The following TNFAIP8 variants were observed in gnomAD, a reference collection of about 807,000 sequenced individuals.
TNFAIP8 encodes the protein TNF alpha induced protein 8.
TNFAIP8 carries 7 observed loss-of-function variants against 13.3 expected under a neutral mutation model. The observed-to-expected ratio is 0.52, with a 90% CI of 0.30 to 0.99. TNFAIP8 has a LOEUF of 0.99. TNFAIP8 is among the 50% of genes least tolerant of loss of function. TNFAIP8 has a pLI of 0.07. For synonymous variants in TNFAIP8, 94 were observed against 87.6 expected (o/e 1.07, Z -0.41); for missense variants, 258 against 236.9 (o/e 1.09, Z -0.58).
At chr5:119,335,320 A>C (rs963313213) in intron 1 of TNFAIP8, among the ~76,000 whole-genome samples, 1 of 152,152 alleles carries the variant, frequency 6.6e-6, no homozygotes, top group African/African-American at 2.4e-5. Context: ...GCTCTCCCCA[A>C]ATCACATTAA....
At chr5:119,272,429 T>C (rs1050588695) in intron 1 of TNFAIP8, among the ~76,000 whole-genome samples, 3 of 152,198 alleles carry the variant, frequency 2.0e-5, no homozygotes, top group African/African-American at 4.8e-5. Context: ...TCCCTGAAGG[T>C]AAGTTGCTAG....
Position 119,350,278 on chromosome 5 carries a change from GTGAA to G in TNFAIP8, c.2-42533_2-42530del, listed in dbSNP as rs796099673. On this transcript the variant is annotated intron_variant, in intron 1 of 1. Transcript: ENST00000274456. ...TGTGCCGCTACTATGTTGAATTTAC[GTGAA>G]TGAAGTGCTATGTAGCCATTGTATT... 3.7e-4 allele frequency among the ~76,000 whole-genome samples: 57 copies of G among 152,290 alleles called. 1 individual carries two copies. Among genetic ancestry groups the G allele is most frequent in the African/African-American group, 1.2e-3 (51 of 41,566 alleles).
intron 1 of TNFAIP8, among the ~76,000 whole-genome samples, chr5:119,278,133 T>C (rs1332993240): frequency 6.6e-6 from 1 of 152,152 alleles, no homozygotes; most frequent in Non-Finnish European, 1.5e-5. Context: ...ATTTGAATAG[T>C]AAAGACATTA....
intron 1 of TNFAIP8, among the ~76,000 whole-genome samples, chr5:119,300,527 C>G (rs918834351): frequency 2.6e-5 from 4 of 152,166 alleles, no homozygotes; most frequent in Admixed American, 6.5e-5. Flanking sequence ...CTGACTCAGT[C>G]TATTATCAAA....
chr5:119,278,417 GTGTGA>G, intron 1 of TNFAIP8, among the ~76,000 whole-genome samples: 2 of 147,190 alleles, frequency 1.4e-5, no homozygotes, highest in African/African-American at 2.6e-5. Flanking sequence ...GTGTGTGTGT[GTGTGA>G]AGGGTGGACA....
chr5:119,314,443 A>G (rs1749825795), intron 1 of TNFAIP8, among the ~76,000 whole-genome samples: 1 of 152,182 alleles, frequency 6.6e-6, no homozygotes, highest in Non-Finnish European at 1.5e-5. Flanking sequence ...ACACAAAAAC[A>G]GACAGATTCA....
At chr5:119,371,657 T>C (rs185336409) in intron 1 of TNFAIP8, among the ~76,000 whole-genome samples, 4 of 152,360 alleles carry the variant, frequency 2.6e-5, no homozygotes, top group East Asian at 1.9e-4. Flanking sequence ...TTTTATAATA[T>C]ACATTGTCTA....
intron 1 of TNFAIP8, among the ~76,000 whole-genome samples, chr5:119,391,736 G>A (rs1752898602): frequency 6.9e-6 from 1 of 145,914 alleles, no homozygotes; most frequent in African/African-American, 2.6e-5. Flanking sequence ...TCCAGCCTGG[G>A]CAAAAAGAGT....
chr5:119,371,228 T>G (rs1752057343), intron 1 of TNFAIP8, among the ~76,000 whole-genome samples: 1 of 152,212 alleles, frequency 6.6e-6, no homozygotes, highest in Admixed American at 6.5e-5. Flanking sequence ...TGCATTGGAC[T>G]GTGCGTGGAG....
At chr5:119,329,444 T>TTC (rs1488429819) in intron 1 of TNFAIP8, among the ~76,000 whole-genome samples, 5 of 152,192 alleles carry the variant, frequency 3.3e-5, no homozygotes, top group Admixed American at 3.3e-4. Flanking sequence ...GCAGCAGCTG[T>TTC]TCACACTGCT....
chr5:119,293,599 A>G (rs1281295959), intron 1 of TNFAIP8, among the ~76,000 whole-genome samples: 4 of 152,300 alleles, frequency 2.6e-5, no homozygotes, highest in Non-Finnish European at 5.9e-5. Context: ...CGGATGAGGA[A>G]ATGTTCTAAA....
At chr5:119,387,986 A>C (rs1752744344) in intron 1 of TNFAIP8, among the ~76,000 whole-genome samples, 1 of 152,220 alleles carries the variant, frequency 6.6e-6, no homozygotes, top group Non-Finnish European at 1.5e-5. Flanking sequence ...GAATATTTTC[A>C]GCACTTTCTC....
At chr5:119,295,350 C>G (rs1581579362) in intron 1 of TNFAIP8, among the ~76,000 whole-genome samples, 1 of 151,862 alleles carries the variant, frequency 6.6e-6, no homozygotes, top group Admixed American at 6.6e-5. Context: ...CTACATATGG[C>G]TAGCCAGTTT....
chr5:119,269,157 C>T (rs1748185643), intron 1 of TNFAIP8, among the ~76,000 whole-genome samples: 1 of 152,180 alleles, frequency 6.6e-6, no homozygotes, highest in South Asian at 2.1e-4. Context: ...GATCCAAGAC[C>T]CCTTTTAGGA....
intron 1 of TNFAIP8, among the ~76,000 whole-genome samples, chr5:119,325,970 C>T (rs956111820): frequency 1.3e-5 from 2 of 152,168 alleles, no homozygotes. Context: ...TTATTTTTGC[C>T]CTAGCACCTT....
intron 1 of TNFAIP8, among the ~76,000 whole-genome samples, chr5:119,320,593 A>C (rs1198277946): frequency 6.6e-6 from 1 of 152,138 alleles, no homozygotes; most frequent in African/African-American, 2.4e-5. Flanking sequence ...CCATTTTAAC[A>C]AATCCCATGG....
chr5:119,372,511 C>T (rs1171472074), intron 1 of TNFAIP8, among the ~76,000 whole-genome samples: 1 of 152,130 alleles, frequency 6.6e-6, no homozygotes, highest in Non-Finnish European at 1.5e-5. Flanking sequence ...CCTTGCTAAT[C>T]ATTTGACTAA....
intron 1 of TNFAIP8, among the ~76,000 whole-genome samples, chr5:119,323,416 C>A (rs1467770697): frequency 6.6e-6 from 1 of 152,136 alleles, no homozygotes; most frequent in Non-Finnish European, 1.5e-5. Flanking sequence ...TCTCTGGCCA[C>A]TTGTTTGTCA....
In TNFAIP8 at chr5:119,396,958, C is replaced by A. The variant is rs1276004046; in HGVS notation, c.*3577C>A. On this transcript the variant is annotated 3_prime_UTR_variant, in exon 2 of 2. Coordinates refer to ENST00000504771, the MANE Select transcript of TNFAIP8 (RefSeq NM_014350.4). ...GCAGTGAGCTGAGATTGTACCACTGCACTGCAGCCTGGGCAACAAGAACGA... is the reference window on the plus strand; with the variant it reads ...GCAGTGAGCTGAGATTGTACCACTGAACTGCAGCCTGGGCAACAAGAACGA... 1 of 132,692 alleles carries A rather than the reference C, an allele frequency of 7.5e-6. No homozygotes were observed. Among genetic ancestry groups the A allele is most frequent in the Non-Finnish European group, 1.5e-5 (1 of 65,678 alleles). 8.2% of individuals were successfully genotyped at this position (132,692 alleles called of 1,614,324 possible). A position where few individuals can be genotyped will look rare whatever the true frequency, so the allele number is the denominator to read the frequency against.
Sources: gnomAD v4.1 joint callset for allele counts (sites outside exome capture counted in the v4.1 genomes callset) on GRCh38, gnomAD v4.1.1 for gene constraint, MANE v1.5 for transcripts, NCBI Gene and HGNC (gene_info 2026-07-23, HGNC 2026-07-21) for gene names.